FGFR1: variants seen among roughly 807,000 people sequenced by gnomAD.
The protein encoded by FGFR1 is fibroblast growth factor receptor 1.
In FGFR1, 18 loss-of-function variants were observed where a neutral mutation model predicts 93.7. That is an observed-to-expected ratio of 0.19 (90% CI 0.13 to 0.28). The LOEUF is 0.28. FGFR1 is among the 10% of genes least tolerant of loss of function. FGFR1 has a pLI of 1.00. For synonymous variants in FGFR1, 448 were observed against 429.3 expected (o/e 1.04, Z -0.54); for missense variants, 731 against 1,080.4 (o/e 0.68, Z 4.53).
At chr8:38,454,225 T>C (rs1832021544) in intron 2 of FGFR1, among the ~76,000 whole-genome samples, 1 of 149,494 alleles carries the variant, frequency 6.7e-6, no homozygotes, top group Admixed American at 6.6e-5. Context: ...ACCCCCACCC[T>C]GGCCCTAAAG....
At chr8:38,462,302 G>C (rs990643511) in intron 1 of FGFR1, among the ~76,000 whole-genome samples, 1 of 152,086 alleles carries the variant, frequency 6.6e-6, no homozygotes, top group East Asian at 1.9e-4. Context: ...TCAAGAGGTC[G>C]ACACCATCCT....
chr8:38,417,945 C>T lies in FGFR1; in HGVS notation c.1477G>A (p.Val493Met), dbSNP rs752601407. Residue 493 changes from valine to methionine, a missense_variant, in exon 11 of 18, where the codon GTG becomes ATG. By Grantham distance (21) the Val-to-Met change is conservative. Around this residue, in one of 10 missense-constraint regions of FGFR1, gnomAD observed 5 missense variants for 21.8 expected, o/e 0.23. Transcript: ENST00000447712. ...PLGEGCFGQV[V>M]LAEAIGLDKD... ...TCCAGCCCGATAGCCTCTGCCAACA[C>T]CACCTGCCCAAAGCAGCCCTCTCCC... The T allele has an allele frequency of 1.2e-5, 20 of 1,614,226 alleles. No homozygotes were observed. The South Asian group carries it at 2.0e-4, about 16-fold the overall frequency.
intron 9 of FGFR1, chr8:38,418,622 T>TACA: frequency 1.8e-6 from 1 of 559,464 alleles, no homozygotes; most frequent in Non-Finnish European, 3.2e-6. Flanking sequence ...CAAATGCACC[T>TACA]CTTCCAGCTT....
intron 2 of FGFR1, among the ~76,000 whole-genome samples, chr8:38,440,793 TC>T (rs1253148578): frequency 2.0e-5 from 3 of 151,420 alleles, no homozygotes; most frequent in East Asian, 3.9e-4. Flanking sequence ...TGCCAGCAGG[TC>T]CCCCCGTGCG....
intron 2 of FGFR1, among the ~76,000 whole-genome samples, chr8:38,441,146 A>G (rs933836147): frequency 5.3e-5 from 8 of 150,134 alleles, no homozygotes; most frequent in African/African-American, 1.9e-4. Context: ...GCCAAGAGCT[A>G]TTGGCCTGGA....
chr8:38,455,550 C>T lies in FGFR1; in HGVS notation c.91+1806G>A, dbSNP rs184706948. Among the ~76,000 whole-genome samples the T allele has an allele frequency of 2.5e-3, 387 of 152,282 alleles. 1 individual carries two copies. The highest frequency in any genetic ancestry group is 8.9e-3 in the African/African-American group (371 of 41,552). ...TTGTGATCCACCCGCCTCAGCCTCC[C>T]AAAGTGCTGGGATTACAGGCGTGAG... is the stretch of plus-strand genomic sequence containing the variant. On this transcript the variant is annotated intron_variant, in intron 2 of 17. Coordinates refer to ENST00000447712, the MANE Select transcript of FGFR1 (RefSeq NM_023110.3).
chr8:38,417,586 A>T (rs1817143270), intron 11 of FGFR1, 170 bp from the exon 12 acceptor site: 1 of 746,696 alleles, frequency 1.3e-6, no homozygotes, highest in East Asian at 2.7e-5. Flanking sequence ...CGTTGTTGCA[A>T]TAGGTGGTAG....
At chr8:38,430,084 C>G in intron 2 of FGFR1, 136 bp from the exon 3 acceptor site, 2 of 871,906 alleles carry the variant, frequency 2.3e-6, no homozygotes, top group Non-Finnish European at 3.5e-6. Context: ...TTACTGGAGG[C>G]TACTGAGCCA....
intron 1 of FGFR1, chr8:38,463,292 T>C (rs1166482219): frequency 5.6e-6 from 1 of 179,792 alleles, no homozygotes; most frequent in Admixed American, 6.3e-5. Flanking sequence ...TTCCTTGTTC[T>C]GCAACAGGCC....
chr8:38,414,430 CACAG>C (rs1815553467), intron 15 of FGFR1, 125 bp downstream of exon 15: 2 of 1,531,894 alleles, frequency 1.3e-6, no homozygotes, highest in African/African-American at 2.7e-5. Context: ...AGGGAATGGC[CACAG>C]ACAATGTTTT....
At chr8:38,466,998 A>C (rs908359545) in intron 1 of FGFR1, among the ~76,000 whole-genome samples, 1 of 151,328 alleles carries the variant, frequency 6.6e-6, no homozygotes, top group Non-Finnish European at 1.5e-5. Flanking sequence ...CTCCGCAAAC[A>C]TGGGTCGTAG....
intron 1 of FGFR1, among the ~76,000 whole-genome samples, chr8:38,466,906 ACC>A (rs201052105): frequency 4.3e-5 from 4 of 93,832 alleles, no homozygotes; most frequent in Non-Finnish European, 9.2e-5. Context: ...CCCCCCCCCC[ACC>A]ACCACCAAAA....
At position 38,414,069 on chromosome 8, in the gene FGFR1, C is replaced by G. The variant is rs372408809; in HGVS notation, c.2187-46G>C. The G allele has an allele frequency of 1.8e-5, 29 of 1,613,586 alleles. No individual in the cohort carries two copies. The African/African-American group carries it at 3.3e-4, about 19-fold the overall frequency. On this transcript the variant is annotated intron_variant, in intron 16 of 17. Transcript: ENST00000447712. ...CAGGGACGTCTCCTGGAGATGGATA[C>G]TCTCTAGTCTAGCCCCCTGCCCCTC...
At chr8:38,449,775 C>G (rs1367713692) in intron 2 of FGFR1, among the ~76,000 whole-genome samples, 1 of 152,256 alleles carries the variant, frequency 6.6e-6, no homozygotes, top group Non-Finnish European at 1.5e-5. Context: ...GTGCCTGAAA[C>G]CAGCTACACG....
chr8:38,419,945 A>G, intron 8 of FGFR1: 1 of 585,528 alleles, frequency 1.7e-6, no homozygotes, highest in East Asian at 2.9e-5. Flanking sequence ...GACTTGAGCC[A>G]TGGAAAAGGG....
rs1818892241 is a variant in FGFR1, at chr8:38,421,756, G to A, written c.1081+41C>T. 1.2e-6 allele frequency: 2 copies of A among 1,611,228 alleles called. 1 individual carries two copies. The highest frequency in any genetic ancestry group is 2.2e-5 in the South Asian group (2 of 91,024). ...AAATGCATGCTCCCCCCGTGCCCGT[G>A]GCGAGGGCAGGACATCGAGAGGAGA... On this transcript the variant is annotated intron_variant, in intron 8 of 17. Transcript: ENST00000447712.
chr8:38,432,301 C>T (rs1823436928), intron 2 of FGFR1, among the ~76,000 whole-genome samples: 1 of 152,166 alleles, frequency 6.6e-6, no homozygotes, highest in Non-Finnish European at 1.5e-5. Context: ...GTAAAAGCCT[C>T]AAGAACCAGC....
chr8:38,429,761 G>A lies in FGFR1; in HGVS notation c.279C>T (p.Pro93=), dbSNP rs781034707. The A allele has an allele frequency of 1.1e-5, 17 of 1,602,564 alleles. No individual in the cohort carries two copies. Among genetic ancestry groups the A allele is most frequent in the South Asian group, 2.2e-5 (2 of 89,124 alleles). Residue 93 remains proline (P), a synonymous_variant, in exon 3 of 18, where the codon CCC becomes CCT. Transcript: ENST00000447712. This position sits in a 1 kb window ranked among gnomAD's most constrained non-coding sequence, Gnocchi z 4.4. ...CGCAAGCATAGAGGCCGGAGTCTGC[G>A]GGCACGGAGTCCTGCACCTCCACCT... The part of the protein sequence containing the change: ...GEEVEVQDSV[P]ADSGLYACVT...
chr8:38,417,693 G>A (rs751297690), intron 11 of FGFR1, among the ~76,000 whole-genome samples, 177 bp downstream of exon 11: 2 of 152,092 alleles, frequency 1.3e-5, no homozygotes, highest in African/African-American at 2.4e-5. Context: ...ACAGAGTGAC[G>A]TCATAGAACA....
Sources: allele counts gnomAD v4.1 joint callset (sites outside exome capture counted in the v4.1 genomes callset), GRCh38; gene constraint gnomAD v4.1.1; regional missense constraint gnomAD v4.1.1; non-coding constraint Gnocchi (gnomAD v3.1); transcripts MANE v1.5; gene names NCBI Gene and HGNC (gene_info 2026-07-23, HGNC 2026-07-21).